Variants in FBXW4 observed in about 807,000 individuals in gnomAD.
The protein encoded by FBXW4 is F-box/WD repeat-containing protein 4.
In FBXW4, 40 loss-of-function variants were observed where a neutral mutation model predicts 61.8. That is an observed-to-expected ratio of 0.65 (90% CI 0.50 to 0.84). FBXW4 has a LOEUF of 0.84. Ranked by LOEUF, FBXW4 falls within the 40% of genes least tolerant of loss-of-function variation. The pLI, the probability that FBXW4 is intolerant of heterozygous loss-of-function variation, is 0.00. For missense variants in FBXW4, 672 were observed against 753.8 expected (o/e 0.89, Z 1.27); for synonymous variants, 311 against 313.8 (o/e 0.99, Z 0.10).
chr10:101,667,911 A>C lies in FBXW4; in HGVS notation c.1210T>G (p.Ser404Ala). 1.2e-6 allele frequency: 2 copies of C among 1,614,038 alleles called. No individual in the cohort carries two copies. Among genetic ancestry groups the C allele is most frequent in the Non-Finnish European group, 1.7e-6 (2 of 1,179,886 alleles). The change falls in exon 5 of 9, where the codon TCC becomes GCC. Residue 404 changes from serine (S) to alanine (A), a missense_variant. Physicochemically the swap from Ser to Ala is moderately conservative, Grantham distance 99. This residue lies in a region of FBXW4 where 312 missense variants were observed against 370.1 expected (regional missense o/e 0.84). Transcript: ENST00000331272. ...HTIQTEDRVWSIAISPLLSSF... is the reference protein window; with the variant it reads ...HTIQTEDRVWAIAISPLLSSF... The stretch of plus-strand genomic sequence containing the variant: ...CTGAGTAATGGGCTGATAGCAATGG[A>C]CCAGACTCGGTCTTCAGTCTGGATG...
At chr10:101,643,172 C>T (rs1016560241) in intron 5 of FBXW4, among the ~76,000 whole-genome samples, 1 of 152,326 alleles carries the variant, frequency 6.6e-6, no homozygotes, top group East Asian at 1.9e-4. Flanking sequence ...CTCCACACCT[C>T]ACCTCATCCA....
intron 5 of FBXW4, among the ~76,000 whole-genome samples, chr10:101,641,135 C>T (rs2064049506): frequency 6.6e-6 from 1 of 152,086 alleles, no homozygotes; most frequent in African/African-American, 2.4e-5. Flanking sequence ...CCAGCCAACC[C>T]TTCCATTTTC....
At chr10:101,658,942 G>A (rs1220550441) in intron 5 of FBXW4, among the ~76,000 whole-genome samples, 1 of 151,962 alleles carries the variant, frequency 6.6e-6, no homozygotes, top group East Asian at 1.9e-4. Context: ...AAGGCCACTG[G>A]AACGGATCAG....
At chr10:101,617,816 C>T (rs1351361219) in intron 6 of FBXW4, among the ~76,000 whole-genome samples, 1 of 150,276 alleles carries the variant, frequency 6.7e-6, no homozygotes, top group Admixed American at 6.6e-5. Flanking sequence ...TTCAGGGGGA[C>T]AGAGGAGACA....
intron 5 of FBXW4, among the ~76,000 whole-genome samples, chr10:101,651,207 G>A (rs2064142951): frequency 6.6e-6 from 1 of 152,136 alleles, no homozygotes; most frequent in African/African-American, 2.4e-5. Context: ...CCCCAGCTCT[G>A]TGAGCGGTGG....
At chr10:101,619,058 A>G (rs2063847582) in intron 6 of FBXW4, among the ~76,000 whole-genome samples, 1 of 152,156 alleles carries the variant, frequency 6.6e-6, no homozygotes, top group African/African-American at 2.4e-5. Flanking sequence ...CTGCTCAAAC[A>G]TAGAGAACAC....
chr10:101,638,581 A>C (rs2134839962), intron 5 of FBXW4, among the ~76,000 whole-genome samples: 1 of 152,198 alleles, frequency 6.6e-6, no homozygotes, highest in African/African-American at 2.4e-5. Context: ...AAATTGTTTG[A>C]ATTTTTACAA....
intron 6 of FBXW4, among the ~76,000 whole-genome samples, chr10:101,615,528 G>A (rs957651462): frequency 5.3e-5 from 8 of 152,058 alleles, no homozygotes; most frequent in African/African-American, 1.4e-4. Context: ...GGCTCTGACC[G>A]TGTGCAGGCT....
At chr10:101,678,631 T>C (rs2064441260) in intron 1 of FBXW4, among the ~76,000 whole-genome samples, 1 of 152,114 alleles carries the variant, frequency 6.6e-6, no homozygotes, top group Non-Finnish European at 1.5e-5. Flanking sequence ...GGTTTCACCG[T>C]GTTAGCCAGG....
Position 101,673,532 on chromosome 10 carries a change from A to G in FBXW4, c.963T>C (p.Val321=). The G allele has an allele frequency of 6.2e-7, 1 of 1,613,950 alleles. No individual in the cohort carries two copies. The highest frequency in any genetic ancestry group is 1.3e-5 in the African/African-American group (1 of 75,008). The change falls in exon 3 of 9, where the codon GTT becomes GTC. Residue 321 remains valine (V), a synonymous_variant. Transcript: ENST00000331272. The part of the protein sequence containing the change: ...LGVFAGHDED[V]CHFVLANSHI... ...GCGAGTTGGCCAGCACAAAGTGGCAAACGTCCTCATCATGCCCAGCAAAGA... is the reference window on the plus strand; with the variant it reads ...GCGAGTTGGCCAGCACAAAGTGGCAGACGTCCTCATCATGCCCAGCAAAGA...
intron 5 of FBXW4, chr10:101,626,082 C>A (rs2063905223): frequency 6.6e-6 from 1 of 152,276 alleles, no homozygotes; most frequent in Non-Finnish European, 1.5e-5. Flanking sequence ...GGTGTCTGCT[C>A]TTCAGCCCTA....
chr10:101,666,344 A>G lies in FBXW4; in HGVS notation c.1235+1542T>C, dbSNP rs140378069. ...GGGTCTCCATTCTCCGGGGTCAGCA[A>G]TGTGTTTCAGGTCCTGCTATATCAG... On this transcript the variant is annotated intron_variant, in intron 5 of 8. Transcript: ENST00000331272. Among the ~76,000 whole-genome samples, 422 of 152,264 alleles carry G rather than the reference A, an allele frequency of 2.8e-3. 3 individuals are homozygous for G. Among genetic ancestry groups the G allele is most frequent in the African/African-American group, 9.8e-3 (408 of 41,542 alleles).
intron 6 of FBXW4, among the ~76,000 whole-genome samples, chr10:101,615,120 C>G (rs1314787412): frequency 6.6e-6 from 1 of 152,180 alleles, no homozygotes; most frequent in African/African-American, 2.4e-5. Context: ...CCCCCAAATT[C>G]AGACATTTCA....
At chr10:101,669,714 A>T in intron 4 of FBXW4, among the ~76,000 whole-genome samples, 1 of 152,112 alleles carries the variant, frequency 6.6e-6, no homozygotes, top group South Asian at 2.1e-4. Flanking sequence ...TCCATGGCCA[A>T]ATTCAAAACA....
Position 101,669,899 on chromosome 10 carries a change from C to T in FBXW4, c.1141-1919G>A, listed in dbSNP as rs145220114. ...CCTCCCGAGTAGCTGGGTCTACAGG[C>T]GCCTGCCACCATGCCTGGCTAATTT... On this transcript the variant is annotated intron_variant, in intron 4 of 8. Coordinates refer to ENST00000331272, the MANE Select transcript of FBXW4 (RefSeq NM_022039.4). Among the ~76,000 whole-genome samples, 1,210 of 152,048 alleles carry T rather than the reference C, an allele frequency of 8.0e-3. 18 individuals carry two copies. Among genetic ancestry groups the T allele is most frequent in the African/African-American group, 0.028 (1,145 of 41,438 alleles).
At chr10:101,695,210 C>T, upstream of FBXW4, 1 of 984,910 alleles carries the variant, frequency 1.0e-6, no homozygotes, top group Non-Finnish European at 1.2e-6. This position sits in a 1 kb window ranked among gnomAD's most constrained non-coding sequence, Gnocchi z 4.2. Flanking sequence ...TGGGGCGGCG[C>T]GGGCCGAGCC....
At chr10:101,675,040 C>G (rs1225724768) in intron 2 of FBXW4, among the ~76,000 whole-genome samples, 1 of 152,204 alleles carries the variant, frequency 6.6e-6, no homozygotes, top group Non-Finnish European at 1.5e-5. Flanking sequence ...GTTTCTTCCC[C>G]AGACTCGTAC....
intron 1 of FBXW4, among the ~76,000 whole-genome samples, chr10:101,684,408 G>A (rs1161894653): frequency 6.6e-6 from 1 of 152,160 alleles, no homozygotes; most frequent in Non-Finnish European, 1.5e-5. Flanking sequence ...TTACAGGCGT[G>A]AGCCACTGCG....
chr10:101,691,610 C>T (rs1339048437), intron 1 of FBXW4, among the ~76,000 whole-genome samples: 2 of 152,068 alleles, frequency 1.3e-5, no homozygotes, highest in African/African-American at 2.4e-5. Context: ...GATTCATTCC[C>T]AATATCTCTC....
Sources: gnomAD v4.1 joint callset for allele counts (sites outside exome capture counted in the v4.1 genomes callset) on GRCh38, gnomAD v4.1.1 for gene constraint, gnomAD v4.1.1 regional missense constraint, Gnocchi (gnomAD v3.1) non-coding constraint, MANE v1.5 for transcripts, NCBI Gene and HGNC (gene_info 2026-07-23, HGNC 2026-07-21) for gene names.